PDE1C: variants seen among roughly 807,000 people sequenced by gnomAD.
PDE1C encodes dual specificity calcium/calmodulin-dependent 3',5'-cyclic nucleotide phosphodiesterase 1C.
Under a neutral mutation model 93.1 loss-of-function variants are expected in PDE1C, and 62 were observed. The ratio of observed to expected loss-of-function variants is 0.67; its 90% CI spans 0.54 to 0.82. PDE1C has a LOEUF of 0.82. Among genes scored for constraint, PDE1C ranks in the 40% least tolerant of loss-of-function variants. The pLI, the probability that PDE1C is intolerant of heterozygous loss-of-function variation, is 0.00. For synonymous variants in PDE1C, 325 were observed against 310.1 expected (o/e 1.05, Z -0.50); for missense variants, 742 against 884.6 (o/e 0.84, Z 2.04).
chr7:32,281,836 T>C (rs1046815494), intron 1 of PDE1C, among the ~76,000 whole-genome samples: 3 of 152,152 alleles, frequency 2.0e-5, no homozygotes, highest in African/African-American at 7.2e-5. Flanking sequence ...TGGAATACTA[T>C]GCAGCCATAA....
chr7:32,388,482 C>T (rs1784682859), intron 1 of PDE1C, among the ~76,000 whole-genome samples: 1 of 152,028 alleles, frequency 6.6e-6, no homozygotes, highest in South Asian at 2.1e-4. Flanking sequence ...ACCAACATAC[C>T]AGGCTGAGCA....
intron 2 of PDE1C, among the ~76,000 whole-genome samples, chr7:32,048,395 C>T (rs1792884898): frequency 6.6e-6 from 1 of 152,000 alleles, no homozygotes; most frequent in South Asian, 2.1e-4. Context: ...TCTCTTAGAA[C>T]ATTTGACCTA....
chr7:32,070,452 C>A, upstream of PDE1C: 22 of 1,595,660 alleles, frequency 1.4e-5, no homozygotes, highest in South Asian at 3.4e-5. Flanking sequence ...GTCCCCTCCC[C>A]GTCTCCTCGC....
chr7:32,428,023 C>T (rs1785573742), exon 1 of PDE1C: 1 of 152,406 alleles, frequency 6.6e-6, no homozygotes, highest in African/African-American at 2.4e-5. Context: ...GCGAATGGGT[C>T]TCCGACAGCA....
chr7:32,349,242 C>T (rs961519839), intron 1 of PDE1C, among the ~76,000 whole-genome samples: 1 of 152,234 alleles, frequency 6.6e-6, no homozygotes, highest in African/African-American at 2.4e-5. Flanking sequence ...TTGAACCCTG[C>T]AGCACACCAA....
At chr7:31,919,421 C>A (rs1802335277) in intron 2 of PDE1C, among the ~76,000 whole-genome samples, 1 of 151,980 alleles carries the variant, frequency 6.6e-6, no homozygotes, top group Non-Finnish European at 1.5e-5. Context: ...GAGGAGTAAA[C>A]AAATTAAAAC....
At chr7:31,642,866 T>C in the PDE1C span, 3 of 1,614,032 alleles carry the variant, frequency 1.9e-6, no homozygotes, top group African/African-American at 1.3e-5. Flanking sequence ...AGGGCCTCAG[T>C]ATCTGTGATG....
At chr7:31,793,487 AG>A (rs1473593644) in intron 16 of PDE1C, among the ~76,000 whole-genome samples, 6 of 152,068 alleles carry the variant, frequency 3.9e-5, no homozygotes, top group African/African-American at 9.7e-5. Flanking sequence ...TTCAGGTCCT[AG>A]GAACTCTGTA....
intron 2 of PDE1C, among the ~76,000 whole-genome samples, chr7:31,960,786 G>A (rs1808829502): frequency 6.6e-6 from 1 of 152,150 alleles, no homozygotes; most frequent in Non-Finnish European, 1.5e-5. Flanking sequence ...AAATCTAAAT[G>A]TCTAATAAGA....
At chr7:31,702,820 A>G in the PDE1C span, among the ~76,000 whole-genome samples, 1 of 152,212 alleles carries the variant, frequency 6.6e-6, no homozygotes, top group African/African-American at 2.4e-5. Flanking sequence ...TTATCTGGCA[A>G]TCACAATTTT....
intron 2 of PDE1C, among the ~76,000 whole-genome samples, chr7:32,024,707 G>C (rs1484099891): frequency 6.6e-6 from 1 of 152,116 alleles, no homozygotes; most frequent in African/African-American, 2.4e-5. Context: ...CTGACACACA[G>C]TTCTGTGAGC....
intron 1 of PDE1C, among the ~76,000 whole-genome samples, chr7:32,394,569 AG>A (rs1562705199): frequency 6.6e-6 from 1 of 152,168 alleles, no homozygotes; most frequent in Non-Finnish European, 1.5e-5. Flanking sequence ...GCACTTTGGG[AG>A]GCTGATGCAG....
chr7:32,412,045 T>C (rs938204731), intron 1 of PDE1C, among the ~76,000 whole-genome samples: 1 of 152,172 alleles, frequency 6.6e-6, no homozygotes, highest in Non-Finnish European at 1.5e-5. Flanking sequence ...TGTCACCTCC[T>C]ATGGTAGCAA....
the PDE1C span, among the ~76,000 whole-genome samples, chr7:31,673,280 G>A: frequency 6.6e-6 from 1 of 152,174 alleles, no homozygotes; most frequent in Non-Finnish European, 1.5e-5. Context: ...GATTTATGAA[G>A]TTGAAAGTGT....
the PDE1C span, among the ~76,000 whole-genome samples, chr7:31,727,870 C>A: frequency 6.6e-6 from 1 of 151,966 alleles, no homozygotes; most frequent in East Asian, 1.9e-4. Flanking sequence ...AGTGAAACCT[C>A]GTCTTTACTA....
chr7:32,214,308 G>A (rs1806266357), intron 1 of PDE1C, among the ~76,000 whole-genome samples: 1 of 152,088 alleles, frequency 6.6e-6, no homozygotes, highest in South Asian at 2.1e-4. Context: ...TAGTCCAAGA[G>A]GGCTCCTTGT....
chr7:32,391,062 C>T (rs1032251197), intron 1 of PDE1C, among the ~76,000 whole-genome samples: 1 of 151,944 alleles, frequency 6.6e-6, no homozygotes, highest in African/African-American at 2.4e-5. Flanking sequence ...AATATGAATA[C>T]ATTAGATACT....
Position 31,751,226 on chromosome 7 carries a change from T to A in PDE1C, c.*2158A>T, listed in dbSNP as rs549984150. The A allele has an allele frequency of 6.6e-6, 1 of 152,308 alleles. No homozygotes were observed. The highest frequency in any genetic ancestry group is 2.1e-4 in the South Asian group (1 of 4,824). The allele number at this position is 152,308 out of a possible 1,614,324, so 9.4% of individuals were successfully genotyped here. A position where few individuals can be genotyped will look rare whatever the true frequency, so the allele number is the denominator to read the frequency against. ...TTGCTGTAAGAATATAATCTGCATT[T>A]CTATACAATCCATTATGCAAAAAAC... is the stretch of plus-strand genomic sequence containing the variant. On this transcript the variant is annotated 3_prime_UTR_variant, in exon 18 of 18. Coordinates refer to ENST00000396191, the MANE Select transcript of PDE1C (RefSeq NM_001191057.4).
chr7:31,840,205 A>G (rs1791681958), intron 9 of PDE1C, among the ~76,000 whole-genome samples: 1 of 152,048 alleles, frequency 6.6e-6, no homozygotes, highest in Non-Finnish European at 1.5e-5. Context: ...CTTGGTTTTA[A>G]TTTACATTTC....
Sources: allele counts gnomAD v4.1 joint callset (sites outside exome capture counted in the v4.1 genomes callset), GRCh38; gene constraint gnomAD v4.1.1; transcripts MANE v1.5; gene names NCBI Gene and HGNC (gene_info 2026-07-23, HGNC 2026-07-21).